The following COBLL1 variants were observed in gnomAD, a reference collection of about 807,000 sequenced individuals.
COBLL1 encodes the protein cordon-bleu WH2 repeat protein like 1, also known as cordon-bleu protein-like 1.
Under a neutral mutation model 94.8 loss-of-function variants are expected in COBLL1, and 50 were observed. The observed-to-expected ratio is 0.53, with a 90% CI of 0.42 to 0.67. The LOEUF (loss-of-function observed/expected upper bound fraction) is 0.67. Among genes scored for constraint, COBLL1 ranks in the 30% least tolerant of loss-of-function variants. COBLL1 has a pLI of 0.00. For synonymous variants in COBLL1, 448 were observed against 473.8 expected, an observed-to-expected ratio of 0.95 and a Z score of 0.71; for missense variants, 1,362 against 1,348.7, an observed-to-expected ratio of 1.01 and a Z score of -0.15.
At chr2:164,784,246 T>A (rs1688841321) in intron 2 of COBLL1, among the ~76,000 whole-genome samples, 1 of 152,170 alleles carries the variant, frequency 6.6e-6, no homozygotes, top group Non-Finnish European at 1.5e-5. Context: ...TTTATAGACT[T>A]TAAGATCCAC....
chr2:164,725,071 CA>C (rs1481158509), intron 5 of COBLL1: 31 of 143,962 alleles, frequency 2.2e-4, no homozygotes, highest in African/African-American at 7.5e-4. Flanking sequence ...CCCTTTTTCT[CA>C]TTGGAAGATG....
At chr2:164,835,553 A>C (rs922239428) in intron 2 of COBLL1, among the ~76,000 whole-genome samples, 1 of 152,142 alleles carries the variant, frequency 6.6e-6, no homozygotes, top group African/African-American at 2.4e-5. Flanking sequence ...AGATGGAAGG[A>C]GTTATAATGA....
In COBLL1 at chr2:164,841,042, A is replaced by G. The variant is rs1683574690; in HGVS notation, c.41+114T>C. 9.0e-7 allele frequency: 1 copy of G among 1,115,620 alleles called. No homozygotes were observed. Among genetic ancestry groups the G allele is most frequent in the Non-Finnish European group, 1.1e-6 (1 of 884,034 alleles). The allele number at this position is 1,115,620 out of a possible 1,614,324, so 69.1% of individuals were successfully genotyped here. A position where few individuals can be genotyped will look rare whatever the true frequency, so the allele number is the denominator to read the frequency against. ...CCGGCCGCGTGGAGGACAGTCAGTG[A>G]GTCAGGCCGCCGGCAGGGCAGCGAG... On this transcript the variant is annotated intron_variant, in intron 2 of 13. Transcript: ENST00000652658. The surrounding 1 kb of genome is among the most constrained non-coding windows in gnomAD (Gnocchi z 5.5).
intron 7 of COBLL1, 127 bp from the exon 8 acceptor site, chr2:164,705,232 C>T (rs1263101923): frequency 1.6e-5 from 10 of 640,742 alleles, no homozygotes; most frequent in East Asian, 3.4e-5. Context: ...TCCTTAAAAA[C>T]GTTTATGAAG....
intron 2 of COBLL1, among the ~76,000 whole-genome samples, chr2:164,824,496 A>G (rs1339697230): frequency 6.6e-6 from 1 of 152,200 alleles, no homozygotes; most frequent in Non-Finnish European, 1.5e-5. Flanking sequence ...TAAATTGGGA[A>G]AGCGTTACTT....
At chr2:164,701,341 T>C (rs539358254) in intron 9 of COBLL1, among the ~76,000 whole-genome samples, 1 of 152,310 alleles carries the variant, frequency 6.6e-6, no homozygotes, top group African/African-American at 2.4e-5. Flanking sequence ...GCAACCTCAG[T>C]TAAAAGCCAC....
At chr2:164,712,977 G>C (rs1684978960) in intron 7 of COBLL1, among the ~76,000 whole-genome samples, 1 of 152,020 alleles carries the variant, frequency 6.6e-6, no homozygotes, top group Non-Finnish European at 1.5e-5. Flanking sequence ...ATTTTGGCTT[G>C]TATTGTATGA....
intron 1 of COBLL1, among the ~76,000 whole-genome samples, chr2:164,666,232 A>T (rs1480373106): frequency 6.6e-6 from 1 of 152,214 alleles, no homozygotes; most frequent in Non-Finnish European, 1.5e-5. Flanking sequence ...TAAATATTGC[A>T]ATTAAGCAAG....
intron 2 of COBLL1, among the ~76,000 whole-genome samples, chr2:164,814,645 C>T (rs1684627890): frequency 6.6e-6 from 1 of 152,098 alleles, no homozygotes; most frequent in Non-Finnish European, 1.5e-5. Context: ...TCTGAGGACA[C>T]AGTATCTCCA....
rs777373652 is a variant in COBLL1, at chr2:164,692,253, G to A, written c.3268C>T (p.Arg1090Cys). 8.1e-6 allele frequency: 13 copies of A among 1,612,204 alleles called. No individual in the cohort carries two copies. The highest frequency in any genetic ancestry group is 4.5e-5 in the East Asian group (2 of 44,786). The change falls in exon 13 of 14, where the codon CGT (arginine) becomes TGT (cysteine). Residue 1090 changes from arginine to cysteine, a missense_variant. Physicochemically the swap from Arg to Cys is radical, Grantham distance 180. Transcript: ENST00000652658. The stretch of plus-strand genomic sequence containing the variant: ...AATTTGGCAGCAGCCTCTCCCGAAC[G>A]GATTGCAGTCAGCAAACTCTGTCGC... ...QMRQSLLTAI[R>C]SGEAAAKLKR...
intron 2 of COBLL1, among the ~76,000 whole-genome samples, chr2:164,778,286 A>T (rs1688567287): frequency 6.6e-6 from 1 of 152,188 alleles, no homozygotes; most frequent in African/African-American, 2.4e-5. Flanking sequence ...ATGCAAGGGG[A>T]GAAAAGAAGT....
chr2:164,767,875 G>A (rs1688011879), intron 2 of COBLL1, among the ~76,000 whole-genome samples: 1 of 152,026 alleles, frequency 6.6e-6, no homozygotes, highest in African/African-American at 2.4e-5. Flanking sequence ...TGTAAAAACA[G>A]GCCTTAACAG....
At chr2:164,805,297 C>A (rs1036609506) in intron 2 of COBLL1, among the ~76,000 whole-genome samples, 1 of 15,186 alleles carries the variant, frequency 6.6e-5, no homozygotes, top group African/African-American at 3.4e-4. Context: ...GTCTCTCTCT[C>A]TCTCTCTCTC....
intron 1 of COBLL1, among the ~76,000 whole-genome samples, chr2:164,668,187 C>T (rs909860306): frequency 4.6e-5 from 7 of 152,114 alleles, no homozygotes; most frequent in Non-Finnish European, 7.3e-5. Flanking sequence ...TGGTCATGAA[C>T]TCCGGACCTC....
At chr2:164,730,208 T>A (rs1343443676) in intron 3 of COBLL1, 93 bp from the exon 4 acceptor site, 1 of 1,153,358 alleles carries the variant, frequency 8.7e-7, no homozygotes, top group African/African-American at 1.5e-5. Flanking sequence ...ACAAGATAGT[T>A]TTTGGAAAAG....
intron 13 of COBLL1, among the ~76,000 whole-genome samples, chr2:164,691,342 A>G (rs921495063): frequency 1.2e-4 from 18 of 152,222 alleles, no homozygotes; most frequent in Non-Finnish European, 2.2e-4. Context: ...GTTTTGCTCA[A>G]CAAGTCTCTT....
At chr2:164,817,764 CCACCTGGTGGCTTCCA>C (rs1261528238) in intron 2 of COBLL1, among the ~76,000 whole-genome samples, 1 of 152,094 alleles carries the variant, frequency 6.6e-6, no homozygotes, top group Non-Finnish European at 1.5e-5. Flanking sequence ...GGAAGGGAAG[CCACCTGGTGGCTTCCA>C]CAGCCATGCT....
intron 3 of COBLL1, among the ~76,000 whole-genome samples, chr2:164,736,806 A>C (rs1307762111): frequency 1.3e-5 from 2 of 152,186 alleles, no homozygotes; most frequent in Non-Finnish European, 2.9e-5. Flanking sequence ...ATAATACCAT[A>C]TTGTTGTAAA....
At chr2:164,689,516 G>A (rs1683480104) in intron 13 of COBLL1, among the ~76,000 whole-genome samples, 1 of 152,110 alleles carries the variant, frequency 6.6e-6, no homozygotes, top group African/African-American at 2.4e-5. Flanking sequence ...AAGAAATTAA[G>A]AGCCTGCCTG....
Sources: allele counts gnomAD v4.1 joint callset (sites outside exome capture counted in the v4.1 genomes callset), GRCh38; gene constraint gnomAD v4.1.1; non-coding constraint Gnocchi (gnomAD v3.1); transcripts MANE v1.5; gene names NCBI Gene and HGNC (gene_info 2026-07-23, HGNC 2026-07-21).